The following BRMS1 variants were observed in gnomAD, a reference collection of about 807,000 sequenced individuals.
BRMS1 encodes the protein BRMS1 transcriptional repressor and anoikis regulator, also known as breast cancer metastasis-suppressor 1.
In BRMS1, 26 loss-of-function variants were observed where a neutral mutation model predicts 40.4. The observed-to-expected ratio is 0.64, with a 90% confidence interval of 0.47 to 0.89. BRMS1 has a LOEUF of 0.89. Among genes scored for constraint, BRMS1 ranks in the 40% least tolerant of loss-of-function variants. The pLI is 0.00. For missense variants in BRMS1, 289 were observed against 309.4 expected, an observed-to-expected ratio of 0.93 and a Z score of 0.49; for synonymous variants, 103 against 116.0, an observed-to-expected ratio of 0.89 and a Z score of 0.72.
intron 1 of BRMS1, among the ~76,000 whole-genome samples, chr11:66,343,111 C>T (rs1855121807): frequency 6.6e-6 from 1 of 152,248 alleles, no homozygotes; most frequent in Non-Finnish European, 1.5e-5. Flanking sequence ...ACCCATTCCA[C>T]CTAACTGCTC....
At position 66,337,990 on chromosome 11, in the gene BRMS1, T is replaced by C. The variant is rs1471007670; in HGVS notation, c.734-101A>G. On this transcript the variant is annotated intron_variant, in intron 9 of 9. Transcript: ENST00000359957. ...GCTTTGGGCTGGCCCAGAACAGGCC[T>C]CCTGGGCAGCTCCACAGCCCTCCCT... is the stretch of plus-strand genomic sequence containing the variant. 5.8e-6 allele frequency: 8 copies of C among 1,370,460 alleles called. No individual in the cohort carries two copies. The East Asian group carries it at 1.6e-4, about 28-fold the overall frequency. 84.9% of individuals were successfully genotyped at this position (1,370,460 alleles called of 1,614,324 possible). A position where few individuals can be genotyped will look rare whatever the true frequency, so the allele number is the denominator to read the frequency against.
At chr11:66,338,506 C>T (rs1854989697) in intron 8 of BRMS1, 6 of 1,531,832 alleles carry the variant, frequency 3.9e-6, no homozygotes, top group Middle Eastern at 1.7e-4. Context: ...AAACCTGCCC[C>T]AGAACGGGAA....
At chr11:66,338,166 C>G (rs937139659) in intron 9 of BRMS1, 77 bp downstream of exon 9, 2 of 1,563,466 alleles carry the variant, frequency 1.3e-6, no homozygotes, top group African/African-American at 2.7e-5. Flanking sequence ...TTTCTCTGGG[C>G]TCCTTCCTGG....
Position 66,338,234 on chromosome 11 carries a change from G to A in BRMS1, c.733+9C>T, listed in dbSNP as rs559895411. 3.7e-6 allele frequency: 6 copies of A among 1,610,904 alleles called. No homozygotes were observed. In the East Asian group the frequency reaches 1.1e-4, roughly 30 times the overall value. On this transcript the variant is annotated intron_variant, in intron 9 of 9. Transcript: ENST00000359957. ...GCAGGGAAGGCCATGCAACAGCCAT[G>A]GTTCTTACCATCCGATTTTCTCTTC...
At chr11:66,344,896 CGGA>C (rs949242914) in intron 1 of BRMS1, 73 bp downstream of exon 1, 6 of 152,356 alleles carry the variant, frequency 3.9e-5, no homozygotes, top group Non-Finnish European at 7.3e-5. Flanking sequence ...GCTTCGGCCT[CGGA>C]GGAGGAGGTT....
chr11:66,337,982 AACAGGCCTCCTGGGCAGCTCC>A, intron 9 of BRMS1, 93 bp from the exon 10 acceptor site: 2 of 1,418,808 alleles, frequency 1.4e-6, no homozygotes, highest in Admixed American at 3.8e-5. Flanking sequence ...GCTGGCCCAG[AACAGGCCTCCTGGGCAGCTCC>A]ACAGCCCTCC....
intron 9 of BRMS1, 151 bp from the exon 10 acceptor site, chr11:66,338,040 T>A (rs1348130841): frequency 1.2e-5 from 14 of 1,162,018 alleles, no homozygotes; most frequent in Non-Finnish European, 1.6e-5. Flanking sequence ...GGGAGCTCCA[T>A]CAACCCAGAG....
At position 66,340,152 on chromosome 11, in the gene BRMS1, G is replaced by A. The variant is rs373539734; in HGVS notation, c.597C>T (p.Pro199=). The change falls in exon 7 of 10, where the codon CCC becomes CCT. Residue 199 remains proline, a synonymous_variant. Transcript: ENST00000359957. ...CCAGAGGTGCCTTCTTCCTCTTGCT[G>A]GGCGGCAGGGAGTCCCAAGACCTGG... The part of the protein sequence containing the change: ...GSSRSWDSLP[P]SKRKKAPLVS... The A allele has an allele frequency of 3.1e-6, 5 of 1,613,588 alleles. No individual in the cohort carries two copies. The African/African-American group carries it at 5.3e-5, about 17-fold the overall frequency.
At chr11:66,338,017 A>AC in intron 9 of BRMS1, 128 bp from the exon 10 acceptor site, 1 of 1,212,924 alleles carries the variant, frequency 8.2e-7, no homozygotes. Flanking sequence ...GCCCTCCCTG[A>AC]CCCCTCCTGA....
rs747826417 is a variant in BRMS1, at chr11:66,338,788, G to A, written c.629-3C>T. ...AAGCATGTACACGATGTATGGGCCT[G>A]TGGTGGGGGTCAAGGAAGCCTAGTG... is the stretch of plus-strand genomic sequence containing the variant. On this transcript the variant is annotated splice_region_variant and splice_polypyrimidine_tract_variant and intron_variant, in intron 7 of 9. Coordinates refer to ENST00000359957, the MANE Select transcript of BRMS1 (RefSeq NM_015399.4). 4 of 1,534,820 alleles carry A rather than the reference G, an allele frequency of 2.6e-6. No individual in the cohort carries two copies. Among genetic ancestry groups the A allele is most frequent in the East Asian group, 4.5e-5 (2 of 44,096 alleles).
chr11:66,337,445 G>T lies in BRMS1; in HGVS notation c.*437C>A. On this transcript the variant is annotated 3_prime_UTR_variant, in exon 10 of 10. Coordinates refer to ENST00000359957, the MANE Select transcript of BRMS1 (RefSeq NM_015399.4). ...GGCATCTTGCCTCCAGATCCAGCCA[G>T]GGTGGACAGACCCCCAGATAATCAC... is the stretch of plus-strand genomic sequence containing the variant. 1.9e-6 allele frequency: 1 copy of T among 536,182 alleles called. No homozygotes were observed. The highest frequency in any genetic ancestry group is 3.3e-6 in the Non-Finnish European group (1 of 299,512). The allele number at this position is 536,182 out of a possible 1,614,324, so 33.2% of individuals were successfully genotyped here.
In BRMS1 at chr11:66,337,386, A is replaced by C. The variant is rs1854938605; in HGVS notation, c.*496T>G. Reference sequence around the variant, plus strand: ...AGTCCTTGGAATCTGAGAAGCAGACACCAAGAACTGCCCTGAGAACACCTG... The same window carrying C: ...AGTCCTTGGAATCTGAGAAGCAGACCCCAAGAACTGCCCTGAGAACACCTG... On this transcript the variant is annotated 3_prime_UTR_variant, in exon 10 of 10. Coordinates refer to ENST00000359957, the MANE Select transcript of BRMS1 (RefSeq NM_015399.4). 2.4e-6 allele frequency: 1 copy of C among 424,440 alleles called. No homozygotes were observed. The highest frequency in any genetic ancestry group is 1.9e-5 in the African/African-American group (1 of 51,562). 26.3% of individuals were successfully genotyped at this position (424,440 alleles called of 1,614,324 possible). A position where few individuals can be genotyped will look rare whatever the true frequency, so the allele number is the denominator to read the frequency against.
rs1555015522 is a variant in BRMS1, at chr11:66,342,110, T to C, written c.125A>G (p.Glu42Gly). ...TAGGGGCTCACCGGAGCTCTCCTCT[T>C]CTGACTCTGTCTGGCTGCCGCTCCG... ...EERSGSQTES[E>G]EESSEMDDED... The change falls in exon 2 of 10, where the codon GAA (glutamate) becomes GGA (glycine). Residue 42 changes from glutamate (E) to glycine (G), a missense_variant. Physicochemically the swap from Glu to Gly is moderately conservative, Grantham distance 98. Transcript: ENST00000359957. The C allele has an allele frequency of 1.2e-6, 2 of 1,613,526 alleles. No homozygotes were observed. The highest frequency in any genetic ancestry group is 2.2e-5 in the South Asian group (2 of 91,064).
Position 66,342,224 on chromosome 11 carries a change from T to C in BRMS1, c.11A>G (p.Gln4Arg). 1 of 1,613,278 alleles carries C rather than the reference T, an allele frequency of 6.2e-7. No individual in the cohort carries two copies. Among genetic ancestry groups the C allele is most frequent in the East Asian group, 2.2e-5 (1 of 44,874 alleles). Residue 4 changes from glutamine to arginine, a missense_variant, in exon 2 of 10, where the codon CAG becomes CGG. Coordinates refer to ENST00000359957, the MANE Select transcript of BRMS1 (RefSeq NM_015399.4). MPV[Q>R]PPSKDTEEME... ...CTCTTCTGTGTCTTTGCTTGGAGGC[T>C]GGACAGGCATCTGGACTCTGGGAGA... is the stretch of plus-strand genomic sequence containing the variant.
Position 66,337,698 on chromosome 11 carries a change from C to A in BRMS1, c.*184G>T. ...TCCACGGCCACAGCTGTGCAGGCCT[C>A]GAGGAGGGCAGAGGAGGAGTCCAGG... On this transcript the variant is annotated 3_prime_UTR_variant, in exon 10 of 10. Coordinates refer to ENST00000359957, the MANE Select transcript of BRMS1 (RefSeq NM_015399.4). 6.3e-7 allele frequency: 1 copy of A among 1,595,772 alleles called. No individual in the cohort carries two copies.
chr11:66,344,221 T>A (rs546272092), intron 1 of BRMS1, among the ~76,000 whole-genome samples: 1 of 152,340 alleles, frequency 6.6e-6, no homozygotes, highest in South Asian at 2.1e-4. Flanking sequence ...AAATACAAAT[T>A]TAACAAAAAA....
rs1855087401 is a variant in BRMS1 at position 66,341,846 on chromosome 11, TGCAC to T, written c.140-227_140-224del. 1 of 665,662 alleles carries T rather than the reference TGCAC, an allele frequency of 1.5e-6. No individual in the cohort carries two copies. The allele number at this position is 665,662 out of a possible 1,614,324, so 41.2% of individuals were successfully genotyped here. A position where few individuals can be genotyped will look rare whatever the true frequency, so the allele number is the denominator to read the frequency against. On this transcript the variant is annotated intron_variant, in intron 2 of 9. Coordinates refer to ENST00000359957, the MANE Select transcript of BRMS1 (RefSeq NM_015399.4). The surrounding 1 kb of genome is among the most constrained non-coding windows in gnomAD (Gnocchi z 4.9). ...TGCGTGCTTGTGTGAAGGGGCTGTGTGCACGTGTACTTGTGTGAAGGGGCTGTGT... is the reference window on the plus strand; with the variant it reads ...TGCGTGCTTGTGTGAAGGGGCTGTGTGTGTACTTGTGTGAAGGGGCTGTGT...
rs980544403 is a variant in BRMS1 at position 66,341,270 on chromosome 11, G to A, written c.294C>T (p.Ala98=). ...LRLEEVGAER[A]PEYTEPLGGL... ...CCCCAAGGGGCTCCGTGTATTCAGG[G>A]GCTCTCTCAGCCCCCACTTCCTCCA... The change falls in exon 4 of 10, where the codon GCC becomes GCT. Residue 98 remains alanine, a synonymous_variant. Transcript: ENST00000359957. The surrounding 1 kb of genome is among the most constrained non-coding windows in gnomAD (Gnocchi z 4.9). 16 of 1,613,526 alleles carry A rather than the reference G, an allele frequency of 9.9e-6. No individual in the cohort carries two copies. The African/African-American group carries it at 1.5e-4, about 15-fold the overall frequency.
At chr11:66,342,358 C>T (rs1855108099) in intron 1 of BRMS1, 117 bp from the exon 2 acceptor site, 2 of 1,308,082 alleles carry the variant, frequency 1.5e-6, no homozygotes, top group Admixed American at 2.0e-5. Flanking sequence ...AAGTAACTGG[C>T]CTGGCCACAC....
Sources: allele counts gnomAD v4.1 joint callset (sites outside exome capture counted in the v4.1 genomes callset), GRCh38; gene constraint gnomAD v4.1.1; non-coding constraint Gnocchi (gnomAD v3.1); transcripts MANE v1.5; gene names NCBI Gene and HGNC (gene_info 2026-07-23, HGNC 2026-07-21).